RORA: variants seen among roughly 807,000 people sequenced by gnomAD.
RORA encodes RAR related orphan receptor A, also known as nuclear receptor ROR-alpha.
In RORA, 7 loss-of-function variants were observed where a neutral mutation model predicts 69.5. That is an observed-to-expected ratio of 0.10 (90% CI 0.06 to 0.19). The LOEUF is 0.19. Ranked by LOEUF, RORA falls within the 10% of genes least tolerant of loss-of-function variation. The pLI, the probability that RORA is intolerant of heterozygous loss-of-function variation, is 1.00. For synonymous variants in RORA, 261 were observed against 240.8 expected (o/e 1.08, Z -0.78); for missense variants, 457 against 663.0 (o/e 0.69, Z 3.41).
intron 1 of RORA, among the ~76,000 whole-genome samples, chr15:60,834,770 G>A (rs2073093593): frequency 6.6e-6 from 1 of 152,182 alleles, no homozygotes; most frequent in African/African-American, 2.4e-5. Context: ...TCGCATCTGA[G>A]AGTGACACAG....
chr15:61,061,784 C>T lies in RORA; in HGVS notation c.166+167269G>A, dbSNP rs903470034. Among the ~76,000 whole-genome samples the T allele has an allele frequency of 3.3e-5, 5 of 152,056 alleles. No homozygotes were observed. The highest frequency in any genetic ancestry group is 1.2e-4 in the African/African-American group (5 of 41,398). On this transcript the variant is annotated intron_variant, in intron 1 of 10. Transcript: ENST00000335670. The surrounding 1 kb of genome is among the most constrained non-coding windows in gnomAD (Gnocchi z 4.4). ...AGCACTCAATAAATGTTAGTAAGGC[C>T]GGGCACGGTGGTTCACGCCTGTAAC... is the stretch of plus-strand genomic sequence containing the variant.
At chr15:61,021,664 C>T (rs1284310815) in intron 1 of RORA, among the ~76,000 whole-genome samples, 1 of 152,136 alleles carries the variant, frequency 6.6e-6, no homozygotes, top group Admixed American at 6.5e-5. Context: ...GCCTGCAATC[C>T]CCGGACCAGA....
At chr15:60,497,710 A>G in intron 10 of RORA, 91 bp from the exon 11 acceptor site, 2 of 1,070,316 alleles carry the variant, frequency 1.9e-6, no homozygotes, top group South Asian at 1.5e-5. Flanking sequence ...GACATTGTTT[A>G]TAATGGTGAA....
chr15:61,096,194 G>C (rs905641847), intron 1 of RORA, among the ~76,000 whole-genome samples: 2 of 152,184 alleles, frequency 1.3e-5, no homozygotes, highest in Admixed American at 6.5e-5. Context: ...AGGTGTGAAG[G>C]CTCCTGAAGT....
intron 1 of RORA, among the ~76,000 whole-genome samples, chr15:60,762,801 T>C (rs1181708999): frequency 2.0e-5 from 3 of 152,200 alleles, no homozygotes; most frequent in Admixed American, 6.5e-5. Flanking sequence ...GCTTCTCCTC[T>C]TTCTCTGTTA....
At chr15:61,180,979 C>A (rs1170213161) in intron 1 of RORA, among the ~76,000 whole-genome samples, 1 of 151,862 alleles carries the variant, frequency 6.6e-6, no homozygotes, top group Non-Finnish European at 1.5e-5. Context: ...TGGTGTGCAC[C>A]TATAATCCCA....
At position 61,229,234 on chromosome 15, in the gene RORA, A is replaced by T; in HGVS notation, c.-16T>A. On this transcript the variant is annotated 5_prime_UTR_variant, in exon 1 of 11. Transcript: ENST00000335670. The stretch of plus-strand genomic sequence containing the variant: ...CTGACTCCATGTTTTTTCCCAATGT[A>T]GAGATCGCTGGAGATGGCGAGCTCC... The T allele has an allele frequency of 1.3e-5, 16 of 1,274,562 alleles. No individual in the cohort carries two copies. The highest frequency in any genetic ancestry group is 1.6e-5 in the Non-Finnish European group (16 of 990,406). 79.0% of individuals were successfully genotyped at this position (1,274,562 alleles called of 1,614,324 possible). A position where few individuals can be genotyped will look rare whatever the true frequency, so the allele number is the denominator to read the frequency against.
intron 1 of RORA, among the ~76,000 whole-genome samples, chr15:60,741,453 G>A (rs572433560): frequency 1.3e-5 from 2 of 152,352 alleles, no homozygotes; most frequent in Non-Finnish European, 1.5e-5. Flanking sequence ...TCAGGGGAAA[G>A]TGAGATGGGT....
In RORA at chr15:60,537,039, A is replaced by G. The variant is rs2066702151; in HGVS notation, c.197-5188T>C. Among the ~76,000 whole-genome samples the G allele has an allele frequency of 6.6e-6, 1 of 152,226 alleles. No individual in the cohort carries two copies. Among genetic ancestry groups the G allele is most frequent in the Non-Finnish European group, 1.5e-5 (1 of 68,030 alleles). On this transcript the variant is annotated intron_variant, in intron 2 of 10. Coordinates refer to ENST00000335670, the MANE Select transcript of RORA (RefSeq NM_134261.3). The surrounding 1 kb of genome is among the most constrained non-coding windows in gnomAD (Gnocchi z 4.9). ...AGGCATTTGATTTTATTTTCAGTAAAATGGCTTGAGTCCTTTATGGATTAG... is the reference window on the plus strand; with the variant it reads ...AGGCATTTGATTTTATTTTCAGTAAGATGGCTTGAGTCCTTTATGGATTAG...
intron 1 of RORA, among the ~76,000 whole-genome samples, chr15:60,722,231 G>T (rs1175258065): frequency 6.6e-6 from 1 of 152,040 alleles, no homozygotes; most frequent in Non-Finnish European, 1.5e-5. Flanking sequence ...TCAACATATG[G>T]TACATCATTC....
chr15:60,492,227 A>G lies in RORA; in HGVS notation c.*5228T>C, dbSNP rs2074576887. The G allele has an allele frequency of 6.6e-6, 1 of 152,220 alleles. No homozygotes were observed. The highest frequency in any genetic ancestry group is 1.5e-5 in the Non-Finnish European group (1 of 68,026). 9.4% of individuals were successfully genotyped at this position (152,220 alleles called of 1,614,324 possible). The stretch of plus-strand genomic sequence containing the variant: ...TTGTGAATGTGTATCCCAAGGTGGA[A>G]GAATCAGAGCCAACAATTACATTGA... On this transcript the variant is annotated 3_prime_UTR_variant, in exon 11 of 11. Coordinates refer to ENST00000335670, the MANE Select transcript of RORA (RefSeq NM_134261.3).
At chr15:60,839,910 T>C (rs544238233) in intron 1 of RORA, among the ~76,000 whole-genome samples, 25 of 152,364 alleles carry the variant, frequency 1.6e-4, no homozygotes, top group African/African-American at 5.8e-4. Flanking sequence ...AGATCTTTGC[T>C]GTTTGCCTAT....
intron 1 of RORA, among the ~76,000 whole-genome samples, chr15:61,222,272 A>T (rs2080104866): frequency 6.6e-6 from 1 of 152,170 alleles, no homozygotes; most frequent in Non-Finnish European, 1.5e-5. Context: ...CCAGGAAACC[A>T]CAGCGCCATG....
intron 1 of RORA, among the ~76,000 whole-genome samples, chr15:60,851,508 A>G (rs1411296987): frequency 2.0e-5 from 3 of 152,136 alleles, no homozygotes; most frequent in Non-Finnish European, 2.9e-5. Flanking sequence ...GTCCCAGGCT[A>G]TCCAAATCAT....
rs968068610 is a variant in RORA, at chr15:60,496,578, T to G, written c.*877A>C. Reference sequence around the variant, plus strand: ...AAGCAAAGTATAATTTAGGGAGAGTTCCGTTTCTAATTCCAAATTCACATG... The same window carrying G: ...AAGCAAAGTATAATTTAGGGAGAGTGCCGTTTCTAATTCCAAATTCACATG... On this transcript the variant is annotated 3_prime_UTR_variant, in exon 11 of 11. Coordinates refer to ENST00000335670, the MANE Select transcript of RORA (RefSeq NM_134261.3). The surrounding 1 kb of genome is among the most constrained non-coding windows in gnomAD (Gnocchi z 4.5). The G allele has an allele frequency of 3.9e-5, 6 of 152,132 alleles. No homozygotes were observed. Among genetic ancestry groups the G allele is most frequent in the Non-Finnish European group, 5.9e-5 (4 of 68,026 alleles). 9.4% of individuals were successfully genotyped at this position (152,132 alleles called of 1,614,324 possible). A position where few individuals can be genotyped will look rare whatever the true frequency, so the allele number is the denominator to read the frequency against.
At chr15:60,743,200 A>G (rs957580100) in intron 1 of RORA, among the ~76,000 whole-genome samples, 2 of 151,778 alleles carry the variant, frequency 1.3e-5, no homozygotes, top group African/African-American at 4.8e-5. Context: ...TTTTTAGTAG[A>G]GACAGCATTT....
chr15:60,972,084 C>T (rs555853633), intron 1 of RORA, among the ~76,000 whole-genome samples: 42 of 152,226 alleles, frequency 2.8e-4, no homozygotes, highest in Non-Finnish European at 3.7e-4. Flanking sequence ...CTAAGAGATC[C>T]GGGAAGAAAA....
Position 61,131,920 on chromosome 15 carries a change from T to C in RORA, c.166+97133A>G, listed in dbSNP as rs2079193351. On this transcript the variant is annotated intron_variant, in intron 1 of 10. Transcript: ENST00000335670. This position sits in a 1 kb window ranked among gnomAD's most constrained non-coding sequence, Gnocchi z 4.2. ...TCACTTGGAAAAAACAGCACTGAAT[T>C]GGAACTGGGGGTAGATGCTGTAACC... 6.6e-6 allele frequency among the ~76,000 whole-genome samples: 1 copy of C among 152,216 alleles called. No individual in the cohort carries two copies.
At chr15:61,075,756 C>A (rs548937977) in intron 1 of RORA, among the ~76,000 whole-genome samples, 2 of 151,354 alleles carry the variant, frequency 1.3e-5, no homozygotes, top group East Asian at 3.8e-4. Flanking sequence ...TAAACCTCCT[C>A]GCGTTATACC....
Sources: allele counts gnomAD v4.1 joint callset (sites outside exome capture counted in the v4.1 genomes callset), GRCh38; gene constraint gnomAD v4.1.1; non-coding constraint Gnocchi (gnomAD v3.1); transcripts MANE v1.5; gene names NCBI Gene and HGNC (gene_info 2026-07-23, HGNC 2026-07-21).